The following HADHA variants were observed in gnomAD, a reference collection of about 807,000 sequenced individuals.
The protein encoded by HADHA is trifunctional enzyme subunit alpha, mitochondrial.
HADHA carries 59 observed loss-of-function variants against 91.3 expected under a neutral mutation model. That is an observed-to-expected ratio of 0.65 (90% CI 0.52 to 0.80). HADHA has a LOEUF of 0.80. HADHA is among the 30% of genes least tolerant of loss of function. The pLI is 0.00. For synonymous variants in HADHA, 320 were observed against 338.9 expected, an observed-to-expected ratio of 0.94 and a Z score of 0.61; for missense variants, 800 against 927.6, an observed-to-expected ratio of 0.86 and a Z score of 1.79.
At position 26,216,573 on chromosome 2, in the gene HADHA, G is replaced by A. The variant is rs184741815; in HGVS notation, c.677-1398C>T. 2.1e-3 allele frequency among the ~76,000 whole-genome samples: 320 copies of A among 152,032 alleles called. 1 individual carries two copies. Among genetic ancestry groups the A allele is most frequent in the Non-Finnish European group, 3.7e-3 (253 of 67,986 alleles). On this transcript the variant is annotated intron_variant, in intron 7 of 19. Transcript: ENST00000380649. ...TGACCTCAAATGATCTGCCCACCTC[G>A]GCCTCCCAAAGTGCTAGGATTACAG...
At chr2:26,242,555 G>A (rs1271131478) in intron 1 of HADHA, among the ~76,000 whole-genome samples, 2 of 151,836 alleles carry the variant, frequency 1.3e-5, no homozygotes, top group African/African-American at 4.8e-5. Context: ...ATTTCTTCCA[G>A]GCTGGAGTTA....
chr2:26,215,144 T>C lies in HADHA; in HGVS notation c.708A>G (p.Thr236=), dbSNP rs769619183. ...GPGLKPPEER[T]IEYLEEVAIT... is the part of the protein sequence containing the mutation. Reference sequence around the variant, plus strand: ...TTGCAACTTCTTCTAGGTATTCTATTGTCCGTTCCTCTGGAGGTTTTAGTC... The same window carrying C: ...TTGCAACTTCTTCTAGGTATTCTATCGTCCGTTCCTCTGGAGGTTTTAGTC... The change falls in exon 8 of 20, where the codon ACA becomes ACG. Residue 236 remains threonine (T), a synonymous_variant. Transcript: ENST00000380649. 6.2e-7 allele frequency: 1 copy of C among 1,610,856 alleles called. No homozygotes were observed. Among genetic ancestry groups the C allele is most frequent in the Admixed American group, 1.7e-5 (1 of 60,000 alleles).
Position 26,236,908 on chromosome 2 carries a change from A to C in HADHA, c.261T>G (p.Ser87Arg). The change falls in exon 4 of 20, where the codon AGT (serine) becomes AGG (arginine). Residue 87 changes from serine to arginine, a missense_variant. Coordinates refer to ENST00000380649, the MANE Select transcript of HADHA (RefSeq NM_000182.5). Reference sequence around the variant, plus strand: ...CTGGCTTTGATGAGATAAGGACGGCACTTCTGATTTGATCACTAGCCCAGA... The same window carrying C: ...CTGGCTTTGATGAGATAAGGACGGCCCTTCTGATTTGATCACTAGCCCAGA... ...NEIWASDQIR[S>R]AVLISSKPGC... 6.2e-7 allele frequency: 1 copy of C among 1,611,126 alleles called. No homozygotes were observed. Among genetic ancestry groups the C allele is most frequent in the East Asian group, 2.2e-5 (1 of 44,862 alleles).
chr2:26,198,300 T>C (rs1669734276), intron 13 of HADHA, among the ~76,000 whole-genome samples: 1 of 152,084 alleles, frequency 6.6e-6, no homozygotes, highest in African/African-American at 2.4e-5. Flanking sequence ...CTATTAGCTT[T>C]ATCCACCTGG....
intron 1 of HADHA, among the ~76,000 whole-genome samples, chr2:26,242,036 G>C (rs935554117): frequency 6.6e-6 from 1 of 152,024 alleles, no homozygotes; most frequent in African/African-American, 2.4e-5. Context: ...CGAGTAGTTG[G>C]GATTACAGAC....
In HADHA at chr2:26,197,765, G is replaced by C. The variant is rs545776378; in HGVS notation, c.1405C>G (p.His469Asp). Residue 469 changes from histidine to aspartate, a missense_variant, in exon 14 of 20, where the codon CAC becomes GAC. Coordinates refer to ENST00000380649, the MANE Select transcript of HADHA (RefSeq NM_000182.5). ...LKEVEAVIPD[H>D]CIFASNTSAL... is the part of the protein sequence containing the mutation. ...GATGTGTTACTGGCAAAGATACAGT[G>C]ATCTGGAATCACCTGCAGGGGAAAA... 1.3e-6 allele frequency: 2 copies of C among 1,514,530 alleles called. No individual in the cohort carries two copies. Among genetic ancestry groups the C allele is most frequent in the East Asian group, 2.3e-5 (1 of 44,416 alleles). 93.8% of individuals were successfully genotyped at this position (1,514,530 alleles called of 1,614,324 possible). A position where few individuals can be genotyped will look rare whatever the true frequency, so the allele number is the denominator to read the frequency against.
chr2:26,244,458 C>T (rs991464010), intron 1 of HADHA, 72 bp downstream of exon 1: 42 of 1,461,688 alleles, frequency 2.9e-5, no homozygotes, highest in Non-Finnish European at 3.6e-5. Flanking sequence ...AAGGGAGACG[C>T]GGCTCCGGGG....
intron 1 of HADHA, among the ~76,000 whole-genome samples, chr2:26,241,994 T>C (rs1437866882): frequency 6.6e-6 from 1 of 151,922 alleles, no homozygotes; most frequent in Non-Finnish European, 1.5e-5. Context: ...CTCCACCTCC[T>C]GGGTTCAAGC....
At chr2:26,196,465 G>A (rs1219322936) in intron 14 of HADHA, among the ~76,000 whole-genome samples, 1 of 152,130 alleles carries the variant, frequency 6.6e-6, no homozygotes, top group Non-Finnish European at 1.5e-5. Flanking sequence ...TTTGACAACT[G>A]TATATACATC....
intron 3 of HADHA, among the ~76,000 whole-genome samples, chr2:26,238,468 A>C (rs1558331695): frequency 6.6e-6 from 1 of 152,238 alleles, no homozygotes; most frequent in African/African-American, 2.4e-5. Flanking sequence ...CTTGATTTCC[A>C]ATATGTGAAT....
chr2:26,221,998 CTG>C lies in HADHA; in HGVS notation c.677-6825_677-6824del, dbSNP rs1670385850. On this transcript the variant is annotated intron_variant, in intron 7 of 19. Transcript: ENST00000380649. This position sits in a 1 kb window ranked among gnomAD's most constrained non-coding sequence, Gnocchi z 4.8. The stretch of plus-strand genomic sequence containing the variant: ...AAAACTGTTGGCAAGGTGTTATGGG[CTG>C]AATTGTGTCCCCCCTACCTCATTCA... Among the ~76,000 whole-genome samples, 1 of 152,118 alleles carries C rather than the reference CTG, an allele frequency of 6.6e-6. No homozygotes were observed. Among genetic ancestry groups the C allele is most frequent in the African/African-American group, 2.4e-5 (1 of 41,422 alleles).
Position 26,214,356 on chromosome 2 carries a change from A to AT in HADHA, c.918+86dup. The AT allele has an allele frequency of 1.3e-6, 1 of 798,154 alleles. No homozygotes were observed. Among genetic ancestry groups the AT allele is most frequent in the Non-Finnish European group, 2.3e-6 (1 of 436,902 alleles). The allele number at this position is 798,154 out of a possible 1,614,324, so 49.4% of individuals were successfully genotyped here. ...AGAATTAAGAAATTTAGTACTCAAC[A>AT]TACATGGTCCAGAATGGCAATAAGG... On this transcript the variant is annotated intron_variant, in intron 9 of 19. Transcript: ENST00000380649. This position sits in a 1 kb window ranked among gnomAD's most constrained non-coding sequence, Gnocchi z 4.1.
At chr2:26,232,021 T>A (rs2147781074) in intron 6 of HADHA, 139 bp downstream of exon 6, 1 of 631,166 alleles carries the variant, frequency 1.6e-6, no homozygotes, top group Non-Finnish European at 2.9e-6. Context: ...GTACCAGGAA[T>A]AAAGTCTGTC....
At chr2:26,191,689 G>T in intron 18 of HADHA, 61 bp from the exon 19 acceptor site, 1 of 1,555,108 alleles carries the variant, frequency 6.4e-7, no homozygotes, top group Non-Finnish European at 8.9e-7. Flanking sequence ...AGCCAGAGCC[G>T]CAGATGCAGA....
At position 26,197,690 on chromosome 2, in the gene HADHA, C is replaced by A. The variant is rs1290945516; in HGVS notation, c.1479+1G>T. ...AGGGTTTTTCTCTGTTCCGAGTTTA[C>A]CTTCTCAGGTCTTTTGCTGACAGCA... On this transcript the variant is annotated splice_donor_variant, in intron 14 of 19. Transcript: ENST00000380649. LOFTEE classifies it high-confidence loss of function. 22 of 1,357,294 alleles carry A rather than the reference C, an allele frequency of 1.6e-5. No individual in the cohort carries two copies. The highest frequency in any genetic ancestry group is 2.3e-5 in the Non-Finnish European group (22 of 945,104). 84.1% of individuals were successfully genotyped at this position (1,357,294 alleles called of 1,614,324 possible). A position where few individuals can be genotyped will look rare whatever the true frequency, so the allele number is the denominator to read the frequency against.
At chr2:26,192,157 G>A (rs1287085202) in intron 18 of HADHA, among the ~76,000 whole-genome samples, 153 bp downstream of exon 18, 2 of 151,740 alleles carry the variant, frequency 1.3e-5, no homozygotes, top group East Asian at 3.9e-4. Flanking sequence ...ATGGAAGACA[G>A]CACCATGGCA....
At chr2:26,230,343 A>T (rs748678666) in intron 6 of HADHA, 49 bp from the exon 7 acceptor site, 1 of 1,040,640 alleles carries the variant, frequency 9.6e-7, no homozygotes, top group Non-Finnish European at 1.5e-6. Context: ...AATCAGGGTG[A>T]TAATTATATA....
chr2:26,235,890 G>A (rs1487939170), intron 4 of HADHA, among the ~76,000 whole-genome samples: 1 of 152,114 alleles, frequency 6.6e-6, no homozygotes, highest in African/African-American at 2.4e-5. Flanking sequence ...TTTAGCAGAG[G>A]AAAAGAAAAT....
At chr2:26,230,642 A>G (rs569569223) in intron 6 of HADHA, among the ~76,000 whole-genome samples, 1 of 152,266 alleles carries the variant, frequency 6.6e-6, no homozygotes, top group South Asian at 2.1e-4. Context: ...AATTCTGGCC[A>G]GGCACGGTGG....
Sources: gnomAD v4.1 joint callset for allele counts (sites outside exome capture counted in the v4.1 genomes callset) on GRCh38, gnomAD v4.1.1 for gene constraint, Gnocchi (gnomAD v3.1) non-coding constraint, MANE v1.5 for transcripts, NCBI Gene and HGNC (gene_info 2026-07-23, HGNC 2026-07-21) for gene names.